The following SGCD variants were observed in gnomAD, a reference collection of about 807,000 sequenced individuals.
SGCD encodes the protein sarcoglycan delta, also known as delta-sarcoglycan.
In SGCD, 18 loss-of-function variants were observed where a neutral mutation model predicts 36.6. The ratio of observed to expected loss-of-function variants is 0.49; its 90% CI spans 0.34 to 0.73. The LOEUF (loss-of-function observed/expected upper bound fraction) is 0.73. Among genes scored for constraint, SGCD ranks in the 30% least tolerant of loss-of-function variants. The probability of loss-of-function intolerance (pLI) is 0.01; values close to 1 mark genes in which losing one functional copy is unlikely to be tolerated. For synonymous variants in SGCD, 133 were observed against 130.6 expected (o/e 1.02, Z -0.12); for missense variants, 387 against 346.7 (o/e 1.12, Z -0.92).
At chr5:156,420,593 C>A (rs549297998) in intron 3 of SGCD, among the ~76,000 whole-genome samples, 1 of 152,184 alleles carries the variant, frequency 6.6e-6, no homozygotes, top group Admixed American at 6.6e-5. Context: ...ATTTCAATTG[C>A]TGCTTTACAA....
intron 3 of SGCD, among the ~76,000 whole-genome samples, chr5:156,285,461 G>T (rs1423176717): frequency 6.6e-6 from 1 of 152,098 alleles, no homozygotes; most frequent in East Asian, 1.9e-4. Context: ...GCATGGTACT[G>T]GTACCAAAAC....
chr5:156,123,253 G>T (rs1190730795), intron 2 of SGCD, among the ~76,000 whole-genome samples: 3 of 152,126 alleles, frequency 2.0e-5, no homozygotes, highest in Non-Finnish European at 4.4e-5. Flanking sequence ...TCAAGCTGTG[G>T]ACCTGGAAGA....
chr5:156,206,804 T>C (rs1175156162), intron 3 of SGCD, among the ~76,000 whole-genome samples: 1 of 151,896 alleles, frequency 6.6e-6, no homozygotes, highest in Non-Finnish European at 1.5e-5. Flanking sequence ...GCATATAGAA[T>C]ATATCCAAAA....
At chr5:156,545,503 G>C (rs1259988109) in intron 4 of SGCD, among the ~76,000 whole-genome samples, 1 of 151,882 alleles carries the variant, frequency 6.6e-6, no homozygotes, top group Non-Finnish European at 1.5e-5. Flanking sequence ...GGTAGTTGGG[G>C]ATGGTTTCAG....
chr5:156,311,929 A>G (rs1767399316), intron 3 of SGCD, among the ~76,000 whole-genome samples: 1 of 151,980 alleles, frequency 6.6e-6, no homozygotes, highest in Non-Finnish European at 1.5e-5. Context: ...TATATTTTTT[A>G]TTTTTTTCTT....
At chr5:156,521,875 A>G (rs1757424540) in intron 4 of SGCD, among the ~76,000 whole-genome samples, 1 of 152,186 alleles carries the variant, frequency 6.6e-6, no homozygotes, top group Non-Finnish European at 1.5e-5. Flanking sequence ...AGATCATTCC[A>G]TTATAAAGAT....
chr5:156,278,766 T>C (rs1192161980), intron 3 of SGCD, among the ~76,000 whole-genome samples: 1 of 152,220 alleles, frequency 6.6e-6, no homozygotes, highest in Non-Finnish European at 1.5e-5. Flanking sequence ...TCAAATGTTA[T>C]CAATGCTATA....
intron 1 of SGCD, among the ~76,000 whole-genome samples, chr5:156,105,732 A>G (rs992450372): frequency 1.1e-4 from 17 of 152,262 alleles, no homozygotes; most frequent in African/African-American, 4.1e-4. Flanking sequence ...TCCGTCTTAA[A>G]TTTAGGACAG....
the SGCD span, among the ~76,000 whole-genome samples, chr5:155,785,318 A>G: frequency 1.3e-5 from 2 of 152,156 alleles, no homozygotes; most frequent in African/African-American, 2.4e-5. Context: ...ATAATTATAC[A>G]TATATGGGCA....
the SGCD span, among the ~76,000 whole-genome samples, chr5:155,862,840 T>C: frequency 1.3e-5 from 2 of 152,228 alleles, no homozygotes; most frequent in Non-Finnish European, 2.9e-5. Flanking sequence ...TGAAGATTTA[T>C]GTGCCATGTG....
At chr5:156,276,516 C>T (rs1008276076) in intron 3 of SGCD, among the ~76,000 whole-genome samples, 2 of 152,152 alleles carry the variant, frequency 1.3e-5, no homozygotes, top group African/African-American at 4.8e-5. Flanking sequence ...TTAAAAACTG[C>T]ATTCCTCAGA....
At chr5:156,012,216 A>C (rs2127571018) in intron 1 of SGCD, among the ~76,000 whole-genome samples, 1 of 152,376 alleles carries the variant, frequency 6.6e-6, no homozygotes, top group East Asian at 1.9e-4. Context: ...TAGCAGCAAA[A>C]TTGCAGATAA....
intron 3 of SGCD, among the ~76,000 whole-genome samples, chr5:156,176,607 A>G (rs753954985): frequency 6.6e-6 from 1 of 152,132 alleles, no homozygotes; most frequent in Non-Finnish European, 1.5e-5. Context: ...TGAAGAGCTC[A>G]TATGTTTATC....
At chr5:156,712,168 T>G (rs1755022142) in intron 7 of SGCD, among the ~76,000 whole-genome samples, 1 of 152,226 alleles carries the variant, frequency 6.6e-6, no homozygotes, top group African/African-American at 2.4e-5. Flanking sequence ...CATCTCATCC[T>G]GTGACTTAGA....
chr5:156,652,005 A>G (rs1561838729), intron 7 of SGCD, among the ~76,000 whole-genome samples: 1 of 151,800 alleles, frequency 6.6e-6, no homozygotes, highest in Non-Finnish European at 1.5e-5. Flanking sequence ...CCTTGGTTAG[A>G]TGTATTCCTA....
the SGCD span, among the ~76,000 whole-genome samples, chr5:155,818,624 G>T: frequency 6.6e-6 from 1 of 152,162 alleles, no homozygotes; most frequent in East Asian, 1.9e-4. Flanking sequence ...GGGCCCAAGT[G>T]ATCCTCCCAC....
In SGCD at chr5:156,762,057, A is replaced by G. The variant is rs772078640; in HGVS notation, c.*2667A>G. 1.0e-4 allele frequency: 16 copies of G among 152,570 alleles called. No individual in the cohort carries two copies. The highest frequency in any genetic ancestry group is 2.2e-4 in the Non-Finnish European group (15 of 68,022). 9.5% of individuals were successfully genotyped at this position (152,570 alleles called of 1,614,324 possible). On this transcript the variant is annotated 3_prime_UTR_variant, in exon 9 of 9. Transcript: ENST00000337851. ...CTTTTTATCCCAACACCCTCAAACT[A>G]GAATATTTGTCAGTGGTCAAGAGAA...
chr5:156,608,486 G>A (rs1761598167), intron 6 of SGCD, among the ~76,000 whole-genome samples: 1 of 152,208 alleles, frequency 6.6e-6, no homozygotes, highest in Non-Finnish European at 1.5e-5. Context: ...TTTTGGAACA[G>A]GTGTGGTGTG....
intron 3 of SGCD, among the ~76,000 whole-genome samples, chr5:156,401,769 AT>A (rs1561671988): frequency 6.8e-6 from 1 of 146,656 alleles, no homozygotes; most frequent in Non-Finnish European, 1.5e-5. Context: ...TTTAAAAAAA[AT>A]TTTCATAAAC....
Sources: allele counts gnomAD v4.1 joint callset (sites outside exome capture counted in the v4.1 genomes callset), GRCh38; gene constraint gnomAD v4.1.1; transcripts MANE v1.5; gene names NCBI Gene and HGNC (gene_info 2026-07-23, HGNC 2026-07-21).